The following C8orf58 variants were observed in gnomAD, a reference collection of about 807,000 sequenced individuals.
C8orf58 encodes the protein uncharacterized protein C8orf58.
Under a neutral mutation model 36.8 loss-of-function variants are expected in C8orf58, and 31 were observed. The ratio of observed to expected loss-of-function variants is 0.84; its 90% confidence interval spans 0.63 to 1.14. The LOEUF is 1.14. C8orf58 is among the 50% of genes most tolerant of loss of function. The probability of loss-of-function intolerance (pLI) is 0.00; values close to 1 mark genes in which losing one functional copy is unlikely to be tolerated. For missense variants in C8orf58, 538 were observed against 480.8 expected (o/e 1.12, Z -1.11); for synonymous variants, 230 against 200.2 (o/e 1.15, Z -1.26).
Position 22,599,633 on chromosome 8 carries a change from C to T in C8orf58, c.-88C>T. On this transcript the variant is annotated 5_prime_UTR_variant, in exon 1 of 7. Coordinates refer to ENST00000289989, the MANE Select transcript of C8orf58 (RefSeq NM_001013842.3). ...GGCCGCGCCCAGCTGGGTCGGGACG[C>T]GCTCCCTGAGCTGCCCGAGCTCCGC... 2.8e-6 allele frequency: 2 copies of T among 720,134 alleles called. No homozygotes were observed. The highest frequency in any genetic ancestry group is 3.7e-6 in the Non-Finnish European group (2 of 535,990). The allele number at this position is 720,134 out of a possible 1,614,324, so 44.6% of individuals were successfully genotyped here. A position where few individuals can be genotyped will look rare whatever the true frequency, so the allele number is the denominator to read the frequency against.
intron 1 of C8orf58, 93 bp from the exon 2 acceptor site, chr8:22,600,789 G>C: frequency 5.4e-6 from 6 of 1,105,390 alleles, no homozygotes; most frequent in Non-Finnish European, 6.5e-6. Flanking sequence ...CACTGCTCCG[G>C]GACACTTCTC....
At position 22,603,506 on chromosome 8, in the gene C8orf58, C is replaced by T. The variant is rs552167838; in HGVS notation, c.*200C>T. The T allele has an allele frequency of 1.6e-5, 10 of 626,418 alleles. No homozygotes were observed. The East Asian group carries it at 2.8e-4, about 18-fold the overall frequency. The allele number at this position is 626,418 out of a possible 1,614,324, so 38.8% of individuals were successfully genotyped here. On this transcript the variant is annotated 3_prime_UTR_variant, in exon 7 of 7. Coordinates refer to ENST00000289989, the MANE Select transcript of C8orf58 (RefSeq NM_001013842.3). ...GGTTTCTTGAGAGGCCCCCAAGATG[C>T]CGCAGCTCCAGGGCTCTTCCTCCTC... is the stretch of plus-strand genomic sequence containing the variant.
chr8:22,602,582 A>G lies in C8orf58; in HGVS notation c.925A>G (p.Ile309Val). 6.3e-7 allele frequency: 1 copy of G among 1,582,088 alleles called. No individual in the cohort carries two copies. The highest frequency in any genetic ancestry group is 8.6e-7 in the Non-Finnish European group (1 of 1,160,836). ...CAAGGTCAAGGTCCTGCTCAACCGG[A>G]TCTGCCGGAGAAGCCACCACCACCC... Reference protein sequence around the residue: ...WDKVKVLLNRICRRSHHHPEP... With the variant: ...WDKVKVLLNRVCRRSHHHPEP... Residue 309 changes from isoleucine (I) to valine (V), a missense_variant, in exon 6 of 7, where the codon ATC becomes GTC. Coordinates refer to ENST00000289989, the MANE Select transcript of C8orf58 (RefSeq NM_001013842.3).
chr8:22,603,398 C>T lies in C8orf58; in HGVS notation c.*92C>T, dbSNP rs978168612. The T allele has an allele frequency of 2.3e-5, 21 of 919,726 alleles. No homozygotes were observed. Among genetic ancestry groups the T allele is most frequent in the Non-Finnish European group, 3.6e-5 (20 of 557,858 alleles). 57.0% of individuals were successfully genotyped at this position (919,726 alleles called of 1,614,324 possible). ...CCCTCTTGCTGCTTCTCCACATTGC[C>T]AGGAAAAGCTGCTGACGCCTGCCCT... is the stretch of plus-strand genomic sequence containing the variant. On this transcript the variant is annotated 3_prime_UTR_variant, in exon 7 of 7. Coordinates refer to ENST00000289989, the MANE Select transcript of C8orf58 (RefSeq NM_001013842.3).
chr8:22,601,586 C>T (rs1465264171), intron 2 of C8orf58, 126 bp from the exon 3 acceptor site: 17 of 1,228,204 alleles, frequency 1.4e-5, no homozygotes, highest in East Asian at 7.1e-5. Context: ...GTGGGGAAGC[C>T]GGCTGCGTGT....
intron 4 of C8orf58, 37 bp downstream of exon 4, chr8:22,602,117 C>A (rs778909516): frequency 1.7e-5 from 27 of 1,549,302 alleles, no homozygotes; most frequent in Middle Eastern, 1.7e-4. Flanking sequence ...TCCTGCCTGC[C>A]TGGGGTCCCA....
chr8:22,602,285 C>T lies in C8orf58; in HGVS notation c.852C>T (p.Tyr284=), dbSNP rs1800888194. ...CAGAAACCCCAGTGGAGCCAACGTA[C>T]CACTTGCCATCCTCCCAGGGACACA... The part of the protein sequence containing the change: ...RLPETPVEPT[Y]HLPSSQGHKR... The change falls in exon 5 of 7, where the codon TAC becomes TAT. Residue 284 remains tyrosine (Y), a synonymous_variant. Coordinates refer to ENST00000289989, the MANE Select transcript of C8orf58 (RefSeq NM_001013842.3). 2 of 1,607,138 alleles carry T rather than the reference C, an allele frequency of 1.2e-6. No homozygotes were observed. Among genetic ancestry groups the T allele is most frequent in the East Asian group, 2.2e-5 (1 of 44,716 alleles).
rs777528797 is a variant in C8orf58, at chr8:22,603,271, A to T, written c.1063A>T (p.Lys355Ter). 3 of 1,614,000 alleles carry T rather than the reference A, an allele frequency of 1.9e-6. No homozygotes were observed. The highest frequency in any genetic ancestry group is 2.5e-6 in the Non-Finnish European group (3 of 1,180,016). The change falls in exon 7 of 7, where the codon AAG becomes TAG. Residue 355 changes from lysine (K) to a stop codon, truncating the protein, a stop_gained. Coordinates refer to ENST00000289989, the MANE Select transcript of C8orf58 (RefSeq NM_001013842.3). LOFTEE classifies it high-confidence loss of function. ...RKTFMPSLVVKKQRAKNLSVG is the reference protein window; with the variant it reads ...RKTFMPSLVV ...GACCTTTATGCCATCATTAGTGGTTAAGAAGCAACGAGCAAAAAACCTTTC... is the reference window on the plus strand; with the variant it reads ...GACCTTTATGCCATCATTAGTGGTTTAGAAGCAACGAGCAAAAAACCTTTC...
chr8:22,600,329 A>G (rs1800810938), intron 1 of C8orf58: 1 of 154,708 alleles, frequency 6.5e-6, no homozygotes, highest in Non-Finnish European at 1.4e-5. Flanking sequence ...TAAAATCTTC[A>G]CTATTGCTCA....
Position 22,603,184 on chromosome 8 carries a change from T to G in C8orf58, c.987-11T>G. The G allele has an allele frequency of 6.3e-7, 1 of 1,595,186 alleles. No individual in the cohort carries two copies. The highest frequency in any genetic ancestry group is 8.6e-7 in the Non-Finnish European group (1 of 1,163,090). On this transcript the variant is annotated splice_polypyrimidine_tract_variant and intron_variant, in intron 6 of 6. Coordinates refer to ENST00000289989, the MANE Select transcript of C8orf58 (RefSeq NM_001013842.3). ...CCCCTTCTAGCCTAATGTCTTCTTTTCATTCCACAGGATCGAGTCCAGGGA... is the reference window on the plus strand; with the variant it reads ...CCCCTTCTAGCCTAATGTCTTCTTTGCATTCCACAGGATCGAGTCCAGGGA...
chr8:22,599,773 C>A lies in C8orf58; in HGVS notation c.40+13C>A, dbSNP rs1313925352. On this transcript the variant is annotated intron_variant, in intron 1 of 6. Coordinates refer to ENST00000289989, the MANE Select transcript of C8orf58 (RefSeq NM_001013842.3). ...GTGGACGGCCGGGGTGAGTCACCCA[C>A]CCCCAGGCTGGCCGGGCTCCCCCCT... is the stretch of plus-strand genomic sequence containing the variant. The A allele has an allele frequency of 3.3e-6, 4 of 1,208,040 alleles. No individual in the cohort carries two copies. Among genetic ancestry groups the A allele is most frequent in the Non-Finnish European group, 2.1e-6 (2 of 969,430 alleles). 74.8% of individuals were successfully genotyped at this position (1,208,040 alleles called of 1,614,324 possible). A position where few individuals can be genotyped will look rare whatever the true frequency, so the allele number is the denominator to read the frequency against.
chr8:22,602,027 CA>C lies in C8orf58; in HGVS notation c.714del (p.Gly239AlafsTer11). 1 of 1,581,194 alleles carries C rather than the reference CA, an allele frequency of 6.3e-7. No homozygotes were observed. The highest frequency in any genetic ancestry group is 8.6e-7 in the Non-Finnish European group (1 of 1,160,034). ...CCTTTACCGTCCCCGTTACACACCC[CA>C]GGCAATCGGGGGCAGGGGCCATGGG... ...RAPLPSPLHT[P>X]GNRGQGPWEL... On this transcript the variant is annotated frameshift_variant, in exon 4 of 7. Transcript: ENST00000289989. LOFTEE classifies it high-confidence loss of function.
At chr8:22,602,119 G>A (rs1303848768) in intron 4 of C8orf58, 39 bp downstream of exon 4, 1 of 1,550,742 alleles carries the variant, frequency 6.4e-7, no homozygotes, top group East Asian at 2.4e-5. Context: ...CTGCCTGCCT[G>A]GGGTCCCACC....
chr8:22,600,481 C>T (rs1800814963), intron 1 of C8orf58: 1 of 213,046 alleles, frequency 4.7e-6, no homozygotes, highest in African/African-American at 2.3e-5. Flanking sequence ...TCTCTGTACC[C>T]TCTCCCCTCT....
At chr8:22,602,857 G>T in intron 6 of C8orf58, 9 of 577,420 alleles carry the variant, frequency 1.6e-5, no homozygotes, top group Admixed American at 3.1e-5. Context: ...TTCCAAAGCC[G>T]CACGGTGAGT....
chr8:22,600,782 T>C (rs190526383), intron 1 of C8orf58, 100 bp from the exon 2 acceptor site: 2 of 1,035,402 alleles, frequency 1.9e-6, no homozygotes, highest in African/African-American at 1.6e-5. Flanking sequence ...CCTTCCTCAC[T>C]GCTCCGGGAC....
chr8:22,601,299 G>A lies in C8orf58; in HGVS notation c.458G>A (p.Gly153Glu), dbSNP rs200444820. 2.8e-4 allele frequency: 450 copies of A among 1,604,560 alleles called. 1 individual carries two copies. Among genetic ancestry groups the A allele is most frequent in the Admixed American group, 1.1e-3 (66 of 59,670 alleles). Residue 153 changes from glycine (G) to glutamate (E), a missense_variant, in exon 2 of 7, where the codon GGG becomes GAG. Coordinates refer to ENST00000289989, the MANE Select transcript of C8orf58 (RefSeq NM_001013842.3). ...GAGCGTGAAGTGCCCCTTGGAGCAG[G>A]GCAACAGGAGTCCATGGAGGCAGAC... ...KPEREVPLGA[G>E]QQESMEADTD...
chr8:22,601,283 G>A lies in C8orf58; in HGVS notation c.442G>A (p.Val148Met), dbSNP rs1800848909. 6.2e-7 allele frequency: 1 copy of A among 1,609,320 alleles called. No individual in the cohort carries two copies. Among genetic ancestry groups the A allele is most frequent in the Non-Finnish European group, 8.5e-7 (1 of 1,177,742 alleles). The change falls in exon 2 of 7, where the codon GTG becomes ATG. Residue 148 changes from valine (V) to methionine (M), a missense_variant. Physicochemically the swap from Val to Met is conservative, Grantham distance 21. Coordinates refer to ENST00000289989, the MANE Select transcript of C8orf58 (RefSeq NM_001013842.3). ...GCTGGCAAGCAAGCCTGAGCGTGAA[G>A]TGCCCCTTGGAGCAGGGCAACAGGA... ...LRLASKPERE[V>M]PLGAGQQESM...
chr8:22,601,253 C>T lies in C8orf58; in HGVS notation c.412C>T (p.Leu138=). The T allele has an allele frequency of 6.2e-7, 1 of 1,609,868 alleles. No homozygotes were observed. Among genetic ancestry groups the T allele is most frequent in the Non-Finnish European group, 8.5e-7 (1 of 1,178,356 alleles). The part of the protein sequence containing the change: ...PTSLSGQHRS[L]RLASKPEREV... Reference sequence around the variant, plus strand: ...CAGCTTGTCAGGACAACACCGCTCCCTGCGGCTGGCAAGCAAGCCTGAGCG... The same window carrying T: ...CAGCTTGTCAGGACAACACCGCTCCTTGCGGCTGGCAAGCAAGCCTGAGCG... Residue 138 remains leucine (L), a synonymous_variant, in exon 2 of 7, where the codon CTG becomes TTG. Transcript: ENST00000289989.
Sources: allele counts gnomAD v4.1 joint callset, GRCh38; gene constraint gnomAD v4.1.1; transcripts MANE v1.5; gene names NCBI Gene and HGNC (gene_info 2026-07-23, HGNC 2026-07-21).